The following KIAA1549 variants were observed in gnomAD, a reference collection of about 807,000 sequenced individuals.
KIAA1549 encodes KIAA1549, also known as UPF0606 protein KIAA1549.
In KIAA1549, 70 loss-of-function variants were observed where a neutral mutation model predicts 156.4. The observed-to-expected ratio is 0.45, with a 90% CI of 0.37 to 0.55. KIAA1549 has a LOEUF of 0.55. KIAA1549 is among the 20% of genes least tolerant of loss of function. The probability of loss-of-function intolerance (pLI) is 0.00; values close to 1 mark genes in which losing one functional copy is unlikely to be tolerated. For missense variants in KIAA1549, 2,428 were observed against 2,540.9 expected (o/e 0.96, Z 0.96); for synonymous variants, 1,103 against 1,066.4 (o/e 1.03, Z -0.67).
chr7:138,912,156 C>T (rs1340808771), intron 3 of KIAA1549, among the ~76,000 whole-genome samples: 1 of 152,220 alleles, frequency 6.6e-6, no homozygotes, highest in Non-Finnish European at 1.5e-5. Flanking sequence ...CCCTAAAGGA[C>T]TAACCCTGAC....
intron 1 of KIAA1549, 63 bp from the exon 2 acceptor site, chr7:138,919,501 T>C: frequency 6.5e-7 from 1 of 1,546,212 alleles, no homozygotes; most frequent in Non-Finnish European, 8.7e-7. Flanking sequence ...TAACGTTTTG[T>C]TTCAGGCATG....
chr7:138,853,106 T>G (rs1024058207), intron 16 of KIAA1549, among the ~76,000 whole-genome samples: 5 of 152,238 alleles, frequency 3.3e-5, no homozygotes, highest in African/African-American at 1.2e-4. Flanking sequence ...GAATTGTTCC[T>G]TTTGGAATTA....
chr7:138,925,698 C>T (rs1274194156), intron 1 of KIAA1549, among the ~76,000 whole-genome samples: 4 of 151,692 alleles, frequency 2.6e-5, no homozygotes, highest in East Asian at 1.9e-4. Flanking sequence ...AGCATGGTGG[C>T]GACCACCTGT....
intron 18 of KIAA1549, 50 bp downstream of exon 18, chr7:138,844,267 C>A: frequency 6.2e-7 from 1 of 1,608,050 alleles, no homozygotes; most frequent in Non-Finnish European, 8.5e-7. Flanking sequence ...AAGTTTCTTT[C>A]AAGTAAATGT....
intron 1 of KIAA1549, among the ~76,000 whole-genome samples, chr7:138,976,426 T>C (rs1384042546): frequency 6.6e-6 from 1 of 152,090 alleles, no homozygotes; most frequent in East Asian, 1.9e-4. Flanking sequence ...ACCAATGGTA[T>C]ACAGTAGTCC....
intron 1 of KIAA1549, among the ~76,000 whole-genome samples, chr7:138,924,303 G>A (rs1812651429): frequency 1.3e-5 from 2 of 149,562 alleles, no homozygotes; most frequent in East Asian, 3.9e-4. Context: ...AAATCTGAAT[G>A]TTTTCCTAAG....
At chr7:138,915,294 T>C (rs1396850499) in intron 2 of KIAA1549, among the ~76,000 whole-genome samples, 9 of 152,184 alleles carry the variant, frequency 5.9e-5, no homozygotes, top group Non-Finnish European at 1.3e-4. Flanking sequence ...TATTACTCTG[T>C]GGTTCAGTAC....
At chr7:138,876,700 G>A (rs928276426) in intron 12 of KIAA1549, among the ~76,000 whole-genome samples, 10 of 152,156 alleles carry the variant, frequency 6.6e-5, no homozygotes, top group African/African-American at 7.2e-5. Context: ...ATGCACAGAC[G>A]CAGCAATGGC....
intron 1 of KIAA1549, among the ~76,000 whole-genome samples, chr7:138,951,420 T>TTTCCC (rs1479077289): frequency 5.9e-5 from 9 of 152,170 alleles, no homozygotes; most frequent in Admixed American, 1.3e-4. Flanking sequence ...CACTATTTCT[T>TTTCCC]TTCCCTTCCC....
At chr7:138,887,076 G>T (rs1811413409) in intron 10 of KIAA1549, among the ~76,000 whole-genome samples, 1 of 151,616 alleles carries the variant, frequency 6.6e-6, no homozygotes, top group Admixed American at 6.6e-5. Flanking sequence ...TAACTTTTAT[G>T]TACATATTTT....
At chr7:138,928,237 A>G (rs747844013) in intron 1 of KIAA1549, among the ~76,000 whole-genome samples, 8 of 150,100 alleles carry the variant, frequency 5.3e-5, no homozygotes, top group South Asian at 4.2e-4. Flanking sequence ...TGTCTTTTCA[A>G]TCCTACTGCC....
chr7:138,932,698 G>A (rs1350540420), intron 1 of KIAA1549, among the ~76,000 whole-genome samples: 5 of 152,192 alleles, frequency 3.3e-5, no homozygotes, highest in Non-Finnish European at 7.3e-5. Flanking sequence ...TTAGCACTTT[G>A]CTCCTCAAGA....
intron 1 of KIAA1549, among the ~76,000 whole-genome samples, chr7:138,937,614 A>C (rs947677534): frequency 4.6e-5 from 7 of 152,192 alleles, no homozygotes; most frequent in Non-Finnish European, 5.9e-5. Context: ...AGGAGCCGAG[A>C]GAGAGAGACA....
intron 1 of KIAA1549, among the ~76,000 whole-genome samples, chr7:138,950,054 G>C (rs2130538280): frequency 6.6e-6 from 1 of 152,320 alleles, no homozygotes; most frequent in Middle Eastern, 3.4e-3. Context: ...GTTAAAACGT[G>C]TGTATGGCAG....
At chr7:138,927,105 T>C (rs775038464) in intron 1 of KIAA1549, among the ~76,000 whole-genome samples, 1 of 152,230 alleles carries the variant, frequency 6.6e-6, no homozygotes, top group African/African-American at 2.4e-5. Context: ...CTTATTTCTC[T>C]CCGTATTGGT....
chr7:138,974,543 T>C (rs1223971018), intron 1 of KIAA1549, among the ~76,000 whole-genome samples: 3 of 151,980 alleles, frequency 2.0e-5, no homozygotes, highest in African/African-American at 4.8e-5. Context: ...AGCCTCAGCC[T>C]CCTGAGTAGC....
intron 16 of KIAA1549, among the ~76,000 whole-genome samples, chr7:138,860,236 C>G (rs1236492819): frequency 2.0e-5 from 3 of 152,138 alleles, no homozygotes; most frequent in Non-Finnish European, 2.9e-5. Flanking sequence ...AATGGTACTC[C>G]CACCCCACCC....
chr7:138,905,340 C>T (rs1373445007), intron 6 of KIAA1549, among the ~76,000 whole-genome samples: 1 of 152,224 alleles, frequency 6.6e-6, no homozygotes, highest in Admixed American at 6.5e-5. Flanking sequence ...CCGGCAAGTT[C>T]TCCTTTGAAT....
At chr7:138,975,137 TAA>T (rs1814336841) in intron 1 of KIAA1549, among the ~76,000 whole-genome samples, 1 of 152,152 alleles carries the variant, frequency 6.6e-6, no homozygotes, top group African/African-American at 2.4e-5. Context: ...TGATGCGAGC[TAA>T]GAGGCAGTGA....
Sources: allele counts gnomAD v4.1 joint callset (sites outside exome capture counted in the v4.1 genomes callset), GRCh38; gene constraint gnomAD v4.1.1; transcripts MANE v1.5; gene names NCBI Gene and HGNC (gene_info 2026-07-23, HGNC 2026-07-21).